The following UQCC6 variants were observed in gnomAD, a reference collection of about 807,000 sequenced individuals.
UQCC6 encodes ubiquinol-cytochrome c reductase complex assembly factor 6.
the UQCC6 span, among the ~76,000 whole-genome samples, chr12:103,954,030 A>C: frequency 6.6e-6 from 1 of 152,010 alleles, no homozygotes; most frequent in Non-Finnish European, 1.5e-5. Context: ...AGTTGTAAGA[A>C]AGAGCTCTTG....
chr12:103,959,037 G>A, the UQCC6 span, among the ~76,000 whole-genome samples: 2 of 152,190 alleles, frequency 1.3e-5, no homozygotes, highest in Admixed American at 6.5e-5. Flanking sequence ...GAAACACTGC[G>A]TATAACCAAC....
the UQCC6 span, chr12:103,957,021 C>T: frequency 2.3e-6 from 1 of 441,370 alleles, no homozygotes; most frequent in Non-Finnish European, 4.2e-6. Context: ...AGCTCTTGAT[C>T]AGCAAGCGGA....
the UQCC6 span, among the ~76,000 whole-genome samples, chr12:103,964,568 G>A: frequency 4.6e-5 from 7 of 152,160 alleles, no homozygotes; most frequent in Admixed American, 1.3e-4. Context: ...CAGACATCCT[G>A]AGAAAAGTTT....
chr12:103,964,564 T>C, the UQCC6 span, among the ~76,000 whole-genome samples: 1 of 152,154 alleles, frequency 6.6e-6, no homozygotes, highest in Non-Finnish European at 1.5e-5. Context: ...AGTGCAGACA[T>C]CCTGAGAAAA....
chr12:103,954,469 TGAGA>T, the UQCC6 span, among the ~76,000 whole-genome samples: 6 of 151,262 alleles, frequency 4.0e-5, no homozygotes, highest in Admixed American at 1.3e-4. Flanking sequence ...AGAGAGGGAG[TGAGA>T]GAGAGAGCCA....
At chr12:103,961,309 A>C in the UQCC6 span, among the ~76,000 whole-genome samples, 8 of 152,370 alleles carry the variant, frequency 5.3e-5, no homozygotes, top group East Asian at 1.5e-3. Context: ...AAAATTAAAA[A>C]GTCTATAAAG....
At chr12:103,956,597 C>T in the UQCC6 span, 1 of 1,397,048 alleles carries the variant, frequency 7.2e-7, no homozygotes, top group Non-Finnish European at 9.9e-7. Context: ...GTATATTTAG[C>T]TCAAAAATAA....
the UQCC6 span, chr12:103,954,904 A>T: frequency 1.4e-6 from 1 of 699,392 alleles, no homozygotes; most frequent in Non-Finnish European, 2.6e-6. Flanking sequence ...TCAGATCCTC[A>T]AATCGTCTCA....
chr12:103,952,346 TTGTAGCTTG>T, the UQCC6 span, among the ~76,000 whole-genome samples: 1 of 152,252 alleles, frequency 6.6e-6, no homozygotes, highest in African/African-American at 2.4e-5. Context: ...TTCATCCATG[TTGTAGCTTG>T]TATCAGTATT....
the UQCC6 span, among the ~76,000 whole-genome samples, chr12:103,953,921 T>C: frequency 1.3e-5 from 2 of 152,242 alleles, no homozygotes; most frequent in East Asian, 1.9e-4. Context: ...GCACAAGCTA[T>C]AGACTAAACT....
the UQCC6 span, chr12:103,956,770 A>G: frequency 8.9e-5 from 129 of 1,454,974 alleles, 3 homozygotes; most frequent in South Asian, 1.4e-3. Flanking sequence ...AGGAAGGGGC[A>G]GTGTCAGAAG....
chr12:103,961,289 A>G, the UQCC6 span, among the ~76,000 whole-genome samples: 9 of 152,246 alleles, frequency 5.9e-5, no homozygotes, highest in African/African-American at 1.9e-4. Context: ...CAAAAAGGTC[A>G]AAAGTTTAAA....
At chr12:103,956,010 A>G in the UQCC6 span, among the ~76,000 whole-genome samples, 1 of 152,256 alleles carries the variant, frequency 6.6e-6, no homozygotes, top group African/African-American at 2.4e-5. Context: ...AACCAGACAG[A>G]CATAGTCTGG....
At chr12:103,951,463 T>C in the UQCC6 span, 9 of 962,464 alleles carry the variant, frequency 9.4e-6, no homozygotes, top group African/African-American at 3.3e-5. Context: ...AGTAGTTTGA[T>C]GCAATAAATT....
the UQCC6 span, among the ~76,000 whole-genome samples, chr12:103,962,377 T>C: frequency 6.6e-6 from 1 of 152,198 alleles, no homozygotes; most frequent in African/African-American, 2.4e-5. Flanking sequence ...ATAAATATTG[T>C]CTTCTATATT....
the UQCC6 span, chr12:103,953,338 C>T: frequency 3.9e-5 from 27 of 700,902 alleles, no homozygotes; most frequent in Admixed American, 5.2e-4. Context: ...AGGATGACTC[C>T]TAGCTTTCAA....
At chr12:103,964,817 T>C in the UQCC6 span, among the ~76,000 whole-genome samples, 10 of 152,240 alleles carry the variant, frequency 6.6e-5, no homozygotes, top group African/African-American at 2.4e-4. Context: ...TGTCTACTAA[T>C]GGACAGGGTA....
chr12:103,951,773 A>G, the UQCC6 span: 1 of 569,028 alleles, frequency 1.8e-6, no homozygotes, highest in South Asian at 2.3e-5. Context: ...TATTATGAGA[A>G]GCTCTGGTTG....
At chr12:103,956,816 C>G in the UQCC6 span, 6 of 1,008,098 alleles carry the variant, frequency 6.0e-6, no homozygotes, top group Admixed American at 8.3e-5. Context: ...AGGGCTGAGG[C>G]GCTCCAGCCA....
Sources: gnomAD v4.1 joint callset for allele counts (sites outside exome capture counted in the v4.1 genomes callset) on GRCh38, gnomAD v4.1.1 for gene constraint, MANE v1.5 for transcripts, NCBI Gene and HGNC (gene_info 2026-07-23, HGNC 2026-07-21) for gene names.